SHLD1: variants seen among roughly 807,000 people sequenced by gnomAD.
SHLD1 encodes the protein RINN1-REV7-interacting novel NHEJ regulator 3.
Under a neutral mutation model 5.5 loss-of-function variants are expected in SHLD1, and 3 were observed. The observed-to-expected ratio is 0.54, with a 90% CI of 0.25 to 1.40. The LOEUF (loss-of-function observed/expected upper bound fraction) is 1.40. SHLD1 is among the 40% of genes most tolerant of loss of function. The probability of loss-of-function intolerance (pLI) is 0.15; values close to 1 mark genes in which losing one functional copy is unlikely to be tolerated. For synonymous variants in SHLD1, 92 were observed against 94.3 expected, an observed-to-expected ratio of 0.98 and a Z score of 0.14; for missense variants, 210 against 244.4, an observed-to-expected ratio of 0.86 and a Z score of 0.94.
intron 2 of SHLD1, among the ~76,000 whole-genome samples, chr20:5,841,427 T>A (rs986753195): frequency 2.6e-5 from 4 of 152,156 alleles, no homozygotes; most frequent in African/African-American, 9.6e-5. Context: ...AAGCTTCAAA[T>A]GCATTTGAGG....
At chr20:5,836,013 A>G (rs1366934398) in intron 2 of SHLD1, among the ~76,000 whole-genome samples, 1 of 152,156 alleles carries the variant, frequency 6.6e-6, no homozygotes, top group East Asian at 1.9e-4. Context: ...ACCAGGAGTT[A>G]TTCAGCTTCA....
At chr20:5,756,900 G>T (rs1355967165) in intron 1 of SHLD1, 1 of 169,020 alleles carries the variant, frequency 5.9e-6, no homozygotes, top group Non-Finnish European at 1.3e-5. Flanking sequence ...TCTCCAATCT[G>T]AATGTCCCTG....
At chr20:5,856,454 G>A (rs2088085956) in intron 2 of SHLD1, among the ~76,000 whole-genome samples, 1 of 152,174 alleles carries the variant, frequency 6.6e-6, no homozygotes, top group Non-Finnish European at 1.5e-5. Context: ...GCATGGAATG[G>A]GTGGCAGTAG....
At chr20:5,767,799 G>A (rs1984924932) in intron 1 of SHLD1, among the ~76,000 whole-genome samples, 1 of 152,128 alleles carries the variant, frequency 6.6e-6, no homozygotes, top group African/African-American at 2.4e-5. Context: ...TCCAAATGCT[G>A]AATCCACTAA....
In SHLD1 at chr20:5,788,936, A is replaced by G. The variant is rs116119478; in HGVS notation, c.178+15893A>G. ...CACTTGAGATCAGGAGATCGAGACC[A>G]GATTGGCCACCATGGTAAAAACCCT... is the stretch of plus-strand genomic sequence containing the variant. On this transcript the variant is annotated intron_variant, in intron 2 of 2. Coordinates refer to ENST00000303142, the MANE Select transcript of SHLD1 (RefSeq NM_152504.4). 2.0e-3 allele frequency among the ~76,000 whole-genome samples: 308 copies of G among 152,188 alleles called. 1 individual carries two copies. Among genetic ancestry groups the G allele is most frequent in the African/African-American group, 6.8e-3 (281 of 41,516 alleles).
At chr20:5,773,311 GA>G in intron 2 of SHLD1, 1 of 602,514 alleles carries the variant, frequency 1.7e-6, no homozygotes, top group Non-Finnish European at 3.0e-6. Flanking sequence ...CCCTCAAAAT[GA>G]ATTCAGAAGC....
At chr20:5,833,158 T>C (rs185407518) in intron 2 of SHLD1, among the ~76,000 whole-genome samples, 1 of 152,330 alleles carries the variant, frequency 6.6e-6, no homozygotes, top group East Asian at 1.9e-4. Context: ...TAAAATAGAC[T>C]CCTCGGCTTC....
chr20:5,849,611 G>T (rs546865318), intron 2 of SHLD1, among the ~76,000 whole-genome samples: 1 of 152,302 alleles, frequency 6.6e-6, no homozygotes, highest in East Asian at 1.9e-4. Flanking sequence ...ATGTATACAT[G>T]TAATGAATTG....
At position 5,806,338 on chromosome 20, in the gene SHLD1, T is replaced by C. The variant is rs1844575341; in HGVS notation, c.178+33295T>C. 2.6e-5 allele frequency among the ~76,000 whole-genome samples: 4 copies of C among 152,252 alleles called. No homozygotes were observed. The highest frequency in any genetic ancestry group is 2.0e-4 in the Admixed American group (3 of 15,284). ...ACAGTATATGGATTTGTGGATCGTG[T>C]CTTCTTCCTTCCATTTGAAAACTAG... On this transcript the variant is annotated intron_variant, in intron 2 of 2. Transcript: ENST00000303142. This position sits in a 1 kb window ranked among gnomAD's most constrained non-coding sequence, Gnocchi z 7.6.
chr20:5,822,486 A>G (rs1297319650), intron 2 of SHLD1, among the ~76,000 whole-genome samples: 1 of 151,358 alleles, frequency 6.6e-6, no homozygotes. Context: ...AAAAATAAAT[A>G]AATGAATAAA....
chr20:5,751,321 G>A (rs1015408777), intron 1 of SHLD1, among the ~76,000 whole-genome samples: 2 of 151,374 alleles, frequency 1.3e-5, no homozygotes, highest in Non-Finnish European at 2.9e-5. Flanking sequence ...TTTTTTAAAC[G>A]GAGTCTCATG....
intron 2 of SHLD1, among the ~76,000 whole-genome samples, chr20:5,856,366 G>A (rs1039477679): frequency 3.3e-5 from 5 of 152,232 alleles, no homozygotes; most frequent in African/African-American, 9.6e-5. Context: ...CTCTCATGCA[G>A]CCCATAGGGC....
intron 2 of SHLD1, chr20:5,773,248 C>T (rs1026234007): frequency 3.5e-5 from 24 of 688,370 alleles, no homozygotes; most frequent in Non-Finnish European, 6.1e-5. Context: ...GGAGCTGTTT[C>T]CTGGATGTCT....
chr20:5,761,423 TAA>T (rs112941514), intron 1 of SHLD1, among the ~76,000 whole-genome samples: 8 of 134,524 alleles, frequency 5.9e-5, no homozygotes, highest in African/African-American at 5.5e-5. Flanking sequence ...AAAGTAAAAT[TAA>T]AAAAAAAAAA....
intron 2 of SHLD1, among the ~76,000 whole-genome samples, chr20:5,776,368 C>G (rs1334618239): frequency 6.6e-6 from 1 of 152,164 alleles, no homozygotes; most frequent in Non-Finnish European, 1.5e-5. Flanking sequence ...TTGTAGACAG[C>G]CACCGTCTTC....
At chr20:5,862,875 C>T in intron 2 of SHLD1, 149 bp from the exon 3 acceptor site, 2 of 701,196 alleles carry the variant, frequency 2.9e-6, no homozygotes, top group South Asian at 2.0e-5. Context: ...ATGGTGAGAA[C>T]AGATTTTGAA....
At chr20:5,775,923 A>ATTTTGTTTTTTTTTT (rs1985402545) in intron 2 of SHLD1, among the ~76,000 whole-genome samples, 1 of 77,678 alleles carries the variant, frequency 1.3e-5, no homozygotes, top group Non-Finnish European at 2.4e-5. Flanking sequence ...TCAGCTCAGG[A>ATTTTGTTTTTTTTTT]TTTTTTTTTT....
At chr20:5,798,345 C>A (rs2087240960) in intron 2 of SHLD1, among the ~76,000 whole-genome samples, 1 of 151,860 alleles carries the variant, frequency 6.6e-6, no homozygotes, top group Non-Finnish European at 1.5e-5. Context: ...TTCTGTCACC[C>A]AGGCTAGAGT....
chr20:5,775,001 A>G (rs886719105), intron 2 of SHLD1, among the ~76,000 whole-genome samples: 1 of 152,116 alleles, frequency 6.6e-6, no homozygotes, highest in African/African-American at 2.4e-5. Flanking sequence ...ATTTCTTAGA[A>G]TGAGTGAATG....
Sources: gnomAD v4.1 joint callset for allele counts (sites outside exome capture counted in the v4.1 genomes callset) on GRCh38, gnomAD v4.1.1 for gene constraint, Gnocchi (gnomAD v3.1) non-coding constraint, MANE v1.5 for transcripts, NCBI Gene and HGNC (gene_info 2026-07-23, HGNC 2026-07-21) for gene names.